The following RALYL variants were observed in gnomAD, a reference collection of about 807,000 sequenced individuals.
RALYL encodes RNA-binding Raly-like protein.
RALYL carries 29 observed loss-of-function variants against 35.1 expected under a neutral mutation model. The observed-to-expected ratio is 0.83, with a 90% CI of 0.61 to 1.13. The LOEUF (loss-of-function observed/expected upper bound fraction) is 1.13. Ranked by LOEUF, RALYL falls within the 50% of genes most tolerant of loss-of-function variation. The pLI is 0.00. For missense variants in RALYL, 359 were observed against 360.4 expected, an observed-to-expected ratio of 1.00 and a Z score of 0.03; for synonymous variants, 120 against 127.6, an observed-to-expected ratio of 0.94 and a Z score of 0.40.
intron 1 of RALYL, among the ~76,000 whole-genome samples, chr8:84,493,492 A>G (rs2055590324): frequency 6.6e-6 from 1 of 152,164 alleles, no homozygotes; most frequent in Non-Finnish European, 1.5e-5. Flanking sequence ...GAATTGCCAC[A>G]CTGTCTTCCA....
chr8:84,204,981 A>C (rs999585899), intron 1 of RALYL, among the ~76,000 whole-genome samples: 1 of 152,174 alleles, frequency 6.6e-6, no homozygotes, highest in Non-Finnish European at 1.5e-5. Flanking sequence ...CTTCTTGCCC[A>C]GGATGACAGG....
chr8:84,549,604 G>C (rs191153244), intron 2 of RALYL, among the ~76,000 whole-genome samples: 1 of 152,288 alleles, frequency 6.6e-6, no homozygotes, highest in Admixed American at 6.5e-5. Flanking sequence ...AGGCCTCTGG[G>C]AAAGAGCTAA....
At chr8:84,852,970 T>G (rs1220911433) in intron 5 of RALYL, among the ~76,000 whole-genome samples, 11 of 152,188 alleles carry the variant, frequency 7.2e-5, no homozygotes, top group Admixed American at 7.2e-4. Context: ...AAAGGATACA[T>G]TTTTCTAATT....
chr8:84,647,590 A>G (rs1484795737), intron 2 of RALYL, among the ~76,000 whole-genome samples: 4 of 152,092 alleles, frequency 2.6e-5, no homozygotes, highest in Non-Finnish European at 4.4e-5. Flanking sequence ...GGAGCTCACA[A>G]AAGAATCTTC....
intron 1 of RALYL, among the ~76,000 whole-genome samples, chr8:84,468,079 G>T (rs912615843): frequency 2.0e-5 from 3 of 150,932 alleles, no homozygotes; most frequent in Non-Finnish European, 4.4e-5. Flanking sequence ...CACACTGATA[G>T]GTCTTGACTC....
chr8:84,706,368 CT>C (rs998209148), intron 2 of RALYL, among the ~76,000 whole-genome samples: 3 of 152,116 alleles, frequency 2.0e-5, no homozygotes, highest in Non-Finnish European at 2.9e-5. Flanking sequence ...GGACAGTTCT[CT>C]TTTTTGCTTT....
intron 1 of RALYL, among the ~76,000 whole-genome samples, chr8:84,195,187 T>G (rs1435696950): frequency 6.6e-6 from 1 of 152,140 alleles, no homozygotes; most frequent in Admixed American, 6.5e-5. Context: ...CAACAATTGT[T>G]TGTATATTTA....
At chr8:84,769,228 C>G (rs1814832705) in intron 2 of RALYL, among the ~76,000 whole-genome samples, 2 of 145,472 alleles carry the variant, frequency 1.4e-5, no homozygotes, top group Non-Finnish European at 3.1e-5. Context: ...CTAAAAGATT[C>G]AGACAGCCTC....
chr8:84,268,231 CAGTG>C (rs1395473776), intron 1 of RALYL, among the ~76,000 whole-genome samples: 1 of 152,104 alleles, frequency 6.6e-6, no homozygotes, highest in African/African-American at 2.4e-5. Context: ...CAGTCAGACA[CAGTG>C]AGAGGTTCTT....
At chr8:84,205,447 C>T (rs937297199) in intron 1 of RALYL, among the ~76,000 whole-genome samples, 1 of 152,124 alleles carries the variant, frequency 6.6e-6, no homozygotes, top group African/African-American at 2.4e-5. Flanking sequence ...GACAGGATTC[C>T]AAAAGGTATT....
chr8:84,612,029 T>C (rs912530064), intron 2 of RALYL, among the ~76,000 whole-genome samples: 1 of 152,060 alleles, frequency 6.6e-6, no homozygotes, highest in South Asian at 2.1e-4. Context: ...TGTATTTGTC[T>C]TACTAGTCAC....
chr8:84,781,324 T>C (rs1818115301), intron 3 of RALYL, among the ~76,000 whole-genome samples: 1 of 152,244 alleles, frequency 6.6e-6, no homozygotes, highest in Non-Finnish European at 1.5e-5. Flanking sequence ...TAAGCAAATA[T>C]AACTTATAGA....
chr8:84,251,219 C>A (rs937627999), intron 1 of RALYL, among the ~76,000 whole-genome samples: 6 of 152,084 alleles, frequency 3.9e-5, no homozygotes, highest in African/African-American at 1.4e-4. Flanking sequence ...TAAATGATGG[C>A]TTTTGCAGCA....
At chr8:84,873,422 G>A (rs531441626) in intron 7 of RALYL, 25 bp downstream of exon 7, 6 of 1,374,844 alleles carry the variant, frequency 4.4e-6, no homozygotes, top group Non-Finnish European at 6.1e-6. Flanking sequence ...ATCACAGACA[G>A]GTCAGAATTG....
chr8:84,559,121 T>G (rs1024004411), intron 2 of RALYL, among the ~76,000 whole-genome samples: 1 of 151,784 alleles, frequency 6.6e-6, no homozygotes, highest in African/African-American at 2.4e-5. Context: ...CTGAGTGATA[T>G]TTTTTTTAAA....
chr8:84,672,390 T>G (rs1833435086), intron 2 of RALYL, among the ~76,000 whole-genome samples: 1 of 152,200 alleles, frequency 6.6e-6, no homozygotes, highest in African/African-American at 2.4e-5. Flanking sequence ...GTTCCAAACT[T>G]TCCCACATTT....
chr8:84,227,056 C>T (rs377482460), intron 1 of RALYL, among the ~76,000 whole-genome samples: 238 of 81,746 alleles, frequency 2.9e-3, no homozygotes, highest in Middle Eastern at 0.013. Context: ...AATTGTATTT[C>T]TTTTTTTTTT....
chr8:84,775,751 T>A (rs528606547), intron 3 of RALYL, among the ~76,000 whole-genome samples: 51 of 152,322 alleles, frequency 3.3e-4, no homozygotes, highest in African/African-American at 1.2e-3. Context: ...TTGAGTTGAT[T>A]TTGGGGAAGA....
intron 7 of RALYL, 49 bp from the exon 8 acceptor site, chr8:84,887,555 G>A: frequency 3.3e-6 from 5 of 1,521,088 alleles, no homozygotes; most frequent in Non-Finnish European, 4.4e-6. Context: ...TATCCAAATG[G>A]CTCATGAGCA....
Sources: allele counts gnomAD v4.1 joint callset (sites outside exome capture counted in the v4.1 genomes callset), GRCh38; gene constraint gnomAD v4.1.1; transcripts MANE v1.5; gene names NCBI Gene and HGNC (gene_info 2026-07-23, HGNC 2026-07-21).